The following UTRN variants were observed in gnomAD, a reference collection of about 807,000 sequenced individuals.
The protein encoded by UTRN is utrophin, also known as dystrophin-related protein 1.
Under a neutral mutation model 463.9 loss-of-function variants are expected in UTRN, and 283 were observed. The ratio of observed to expected loss-of-function variants is 0.61; its 90% CI spans 0.55 to 0.67. The LOEUF (loss-of-function observed/expected upper bound fraction) is 0.67, where lower values mean the gene tolerates loss of function less well. Ranked by LOEUF, UTRN falls within the 30% of genes least tolerant of loss-of-function variation. The pLI is 0.00. For synonymous variants in UTRN, 1,442 were observed against 1,431.5 expected, an observed-to-expected ratio of 1.01 and a Z score of -0.17; for missense variants, 3,922 against 4,084.3, an observed-to-expected ratio of 0.96 and a Z score of 1.08.
intron 51 of UTRN, among the ~76,000 whole-genome samples, chr6:144,664,215 C>T (rs1278402800): frequency 1.3e-5 from 2 of 152,000 alleles, no homozygotes; most frequent in African/African-American, 4.8e-5. Flanking sequence ...TGTGTGTGGC[C>T]CATGGGTGGA....
At chr6:144,739,548 C>T (rs1398768169) in intron 54 of UTRN, among the ~76,000 whole-genome samples, 1 of 152,074 alleles carries the variant, frequency 6.6e-6, no homozygotes, top group Non-Finnish European at 1.5e-5. Flanking sequence ...TTAATTGGAG[C>T]CTCATTCATT....
At chr6:144,651,817 AT>A (rs899534610) in intron 51 of UTRN, among the ~76,000 whole-genome samples, 22 of 150,940 alleles carry the variant, frequency 1.5e-4, no homozygotes, top group African/African-American at 4.6e-4. Flanking sequence ...TCTTTACAGT[AT>A]TTTTTTTTAT....
At chr6:144,724,936 T>G (rs540609922) in intron 53 of UTRN, among the ~76,000 whole-genome samples, 3 of 152,224 alleles carry the variant, frequency 2.0e-5, no homozygotes, top group African/African-American at 4.8e-5. Flanking sequence ...TTTTTCTTTT[T>G]CTTCGGTATA....
chr6:144,808,484 A>G (rs533975928), intron 65 of UTRN, among the ~76,000 whole-genome samples: 8 of 152,286 alleles, frequency 5.3e-5, no homozygotes, highest in Non-Finnish European at 1.0e-4. Flanking sequence ...AATTCAAATT[A>G]GAAACATTTT....
chr6:144,515,878 GCTGTTCTTCCTTT>G (rs768220775), intron 37 of UTRN, among the ~76,000 whole-genome samples: 1 of 152,192 alleles, frequency 6.6e-6, no homozygotes, highest in African/African-American at 2.4e-5. Flanking sequence ...GGGCTGGGTG[GCTGTTCTTCCTTT>G]CTGTGGCCAT....
chr6:144,311,125 G>A (rs765228729), intron 2 of UTRN, among the ~76,000 whole-genome samples: 6 of 152,210 alleles, frequency 3.9e-5, no homozygotes, highest in African/African-American at 4.8e-5. Context: ...GAATTCTGGC[G>A]TAAGAAGCTT....
chr6:144,344,727 T>C (rs2114638955), intron 2 of UTRN, among the ~76,000 whole-genome samples: 1 of 152,366 alleles, frequency 6.6e-6, no homozygotes, highest in African/African-American at 2.4e-5. Flanking sequence ...CTCTGTTGGC[T>C]AAAAAGGCAT....
intron 49 of UTRN, among the ~76,000 whole-genome samples, chr6:144,555,407 G>C (rs1032699184): frequency 6.6e-6 from 1 of 152,150 alleles, no homozygotes; most frequent in Non-Finnish European, 1.5e-5. Context: ...GCAAGACAGA[G>C]AGAGATAGAA....
At chr6:144,734,058 T>C (rs1410699792) in intron 54 of UTRN, among the ~76,000 whole-genome samples, 1 of 152,182 alleles carries the variant, frequency 6.6e-6, no homozygotes, top group African/African-American at 2.4e-5. Flanking sequence ...TCTGACTTCA[T>C]ATACAACCTA....
At chr6:144,424,206 C>A in intron 6 of UTRN, 128 bp downstream of exon 6, 1 of 997,814 alleles carries the variant, frequency 1.0e-6, no homozygotes, top group Non-Finnish European at 1.5e-6. Flanking sequence ...TGTTGTCTCC[C>A]AGTTCTGGAG....
rs373115072 is a variant in UTRN, at chr6:144,493,258, C to T, written c.4438-43C>T. ...GACATGATGCCAGTTGGCAAGTTGT[C>T]ACCACAGTGTGTAATTTGTCTTTTT... On this transcript the variant is annotated intron_variant, in intron 32 of 74. Coordinates refer to ENST00000367545, the MANE Select transcript of UTRN (RefSeq NM_007124.3). The T allele has an allele frequency of 2.1e-5, 33 of 1,600,082 alleles. No homozygotes were observed. The East Asian group carries it at 2.9e-4, about 14-fold the overall frequency.
chr6:144,725,691 T>C (rs1020801083), intron 53 of UTRN, among the ~76,000 whole-genome samples: 3 of 152,240 alleles, frequency 2.0e-5, no homozygotes, highest in Non-Finnish European at 4.4e-5. Context: ...TTTTCTTTTA[T>C]GTCTAATTGA....
At chr6:144,344,123 C>T in intron 2 of UTRN, 1 of 1,004,930 alleles carries the variant, frequency 1.0e-6, no homozygotes, top group Non-Finnish European at 1.3e-6. Flanking sequence ...CAAAATAACA[C>T]AGGACATCCC....
intron 45 of UTRN, among the ~76,000 whole-genome samples, chr6:144,542,289 G>T (rs1798042679): frequency 6.6e-6 from 1 of 152,138 alleles, no homozygotes; most frequent in South Asian, 2.1e-4. Flanking sequence ...TCACAGAGAG[G>T]GCTGGACTGA....
At chr6:144,508,170 G>A (rs1025537443) in intron 34 of UTRN, among the ~76,000 whole-genome samples, 3 of 152,108 alleles carry the variant, frequency 2.0e-5, no homozygotes, top group Non-Finnish European at 2.9e-5. Context: ...TTAGCTTGCC[G>A]GGCTCCATGG....
intron 32 of UTRN, among the ~76,000 whole-genome samples, chr6:144,491,485 C>T (rs1373974824): frequency 6.6e-6 from 1 of 152,012 alleles, no homozygotes; most frequent in Non-Finnish European, 1.5e-5. Context: ...CGTAAAAATT[C>T]CATTTTCTAG....
At chr6:144,573,792 T>C (rs1415070914) in intron 50 of UTRN, among the ~76,000 whole-genome samples, 2 of 152,142 alleles carry the variant, frequency 1.3e-5, no homozygotes, top group East Asian at 3.8e-4. Context: ...TATGAAGGTA[T>C]AAAAAGTTCT....
intron 51 of UTRN, among the ~76,000 whole-genome samples, chr6:144,590,894 A>G (rs1486132903): frequency 6.6e-6 from 1 of 151,908 alleles, no homozygotes; most frequent in Non-Finnish European, 1.5e-5. Context: ...ACACACACAC[A>G]CACACATAAG....
chr6:144,344,353 A>G (rs945895959), intron 2 of UTRN: 1 of 1,303,630 alleles, frequency 7.7e-7, no homozygotes, highest in Non-Finnish European at 1.0e-6. Context: ...TTTTCTTAAG[A>G]AACGTCTATG....
Sources: gnomAD v4.1 joint callset for allele counts (sites outside exome capture counted in the v4.1 genomes callset) on GRCh38, gnomAD v4.1.1 for gene constraint, MANE v1.5 for transcripts, NCBI Gene and HGNC (gene_info 2026-07-23, HGNC 2026-07-21) for gene names.